DAB1: variants seen among roughly 807,000 people sequenced by gnomAD.
DAB1 encodes the protein disabled homolog 1.
A neutral mutation model predicts 64.6 loss-of-function variants in DAB1; 15 were observed. The observed-to-expected ratio is 0.23, with a 90% CI of 0.16 to 0.36. DAB1 has a LOEUF of 0.36. Among genes scored for constraint, DAB1 ranks in the 10% least tolerant of loss-of-function variants. DAB1 has a pLI of 1.00. For synonymous variants in DAB1, 235 were observed against 251.9 expected (o/e 0.93, Z 0.64); for missense variants, 596 against 706.7 (o/e 0.84, Z 1.78).
chr1:57,441,445 T>A (rs1176248286), intron 7 of DAB1, among the ~76,000 whole-genome samples: 1 of 151,782 alleles, frequency 6.6e-6, no homozygotes, highest in Non-Finnish European at 1.5e-5. Flanking sequence ...ACTCTCAACC[T>A]CCCAGGCTCA....
intron 6 of DAB1, among the ~76,000 whole-genome samples, chr1:57,706,065 T>C (rs1454874702): frequency 1.3e-5 from 2 of 152,068 alleles, no homozygotes; most frequent in Non-Finnish European, 2.9e-5. Flanking sequence ...TTTGAAATAG[T>C]TACAGATTCA....
chr1:58,048,275 G>A, intron 5 of DAB1: 2 of 1,283,956 alleles, frequency 1.6e-6, no homozygotes, highest in East Asian at 2.3e-5. Context: ...ACCGCCATAG[G>A]GGCCAGAGCT....
Position 57,182,034 on chromosome 1 carries a change from T to C in DAB1, c.68-36605A>G, listed in dbSNP as rs139969952. ...CCGAGTAGCTGGGACTACAGGTGCA[T>C]GCCACCACGCCCAGCTGATTTTTTG... is the stretch of plus-strand genomic sequence containing the variant. On this transcript the variant is annotated intron_variant, in intron 2 of 14. Transcript: ENST00000371236. Among the ~76,000 whole-genome samples, 52 of 152,216 alleles carry C rather than the reference T, an allele frequency of 3.4e-4. 1 individual carries two copies. In the East Asian group the frequency reaches 7.0e-3, roughly 20 times the overall value.
At chr1:58,149,733 T>C (rs573046556) in intron 5 of DAB1, among the ~76,000 whole-genome samples, 26 of 152,194 alleles carry the variant, frequency 1.7e-4, no homozygotes, top group African/African-American at 6.3e-4. Context: ...AACGGGGAGT[T>C]TTCACAAAGC....
intron 7 of DAB1, among the ~76,000 whole-genome samples, chr1:57,448,316 C>G (rs982662958): frequency 2.0e-5 from 3 of 152,122 alleles, no homozygotes; most frequent in Non-Finnish European, 4.4e-5. Context: ...ATGAAACATG[C>G]TTTGAAATTA....
intron 1 of DAB1, among the ~76,000 whole-genome samples, chr1:57,337,895 C>A (rs1677221499): frequency 7.3e-6 from 1 of 136,566 alleles, no homozygotes; most frequent in African/African-American, 2.7e-5. Context: ...CCCTTCCCTT[C>A]CCTTCCCTTC....
intron 5 of DAB1, among the ~76,000 whole-genome samples, chr1:57,961,353 T>C (rs1009555703): frequency 1.3e-5 from 2 of 152,120 alleles, no homozygotes; most frequent in Non-Finnish European, 2.9e-5. Context: ...TCTTAACCTC[T>C]AAACTTTTCA....
intron 4 of DAB1, among the ~76,000 whole-genome samples, chr1:58,178,418 C>T (rs1656604148): frequency 6.6e-6 from 1 of 152,110 alleles, no homozygotes; most frequent in Non-Finnish European, 1.5e-5. Flanking sequence ...CTGAACGTGA[C>T]CTTATTTGGA....
At chr1:57,320,950 T>C (rs1473286646) in intron 1 of DAB1, among the ~76,000 whole-genome samples, 1 of 152,234 alleles carries the variant, frequency 6.6e-6, no homozygotes, top group Non-Finnish European at 1.5e-5. Flanking sequence ...TTTTAACTTC[T>C]ACTTTTTGCT....
intron 2 of DAB1, among the ~76,000 whole-genome samples, chr1:57,173,737 A>G (rs72672676): frequency 0.16 from 24,987 of 152,140 alleles, 3,000 homozygotes; most frequent in African/African-American, 0.34. Flanking sequence ...ATAGCATTTC[A>G]CCTTTTAGAT....
Position 57,140,297 on chromosome 1 carries a change from C to T in DAB1, c.208-3656G>A, listed in dbSNP as rs554503977. Among the ~76,000 whole-genome samples the T allele has an allele frequency of 1.6e-4, 25 of 152,228 alleles. 1 individual carries two copies. The East Asian group carries it at 4.8e-3, about 29-fold the overall frequency. The stretch of plus-strand genomic sequence containing the variant: ...TCTCTTACCCATCGTATAATTTAGT[C>T]AATATCACAATCCTGGGAAGTAAGA... On this transcript the variant is annotated intron_variant, in intron 3 of 14. Coordinates refer to ENST00000371236, the MANE Select transcript of DAB1 (RefSeq NM_001365792.1).
chr1:57,777,979 C>T (rs1362156980), intron 6 of DAB1, among the ~76,000 whole-genome samples: 1 of 152,024 alleles, frequency 6.6e-6, no homozygotes, highest in African/African-American at 2.4e-5. Context: ...TTTGCTATGA[C>T]AGGTCTAGAA....
At chr1:58,364,559 C>T (rs989089353) in intron 3 of DAB1, among the ~76,000 whole-genome samples, 1 of 152,202 alleles carries the variant, frequency 6.6e-6, no homozygotes, top group African/African-American at 2.4e-5. Flanking sequence ...TCAGCCTCCA[C>T]ACCTACCCTT....
intron 6 of DAB1, among the ~76,000 whole-genome samples, chr1:57,747,784 G>A (rs1648348540): frequency 1.4e-5 from 2 of 141,164 alleles, no homozygotes; most frequent in African/African-American, 5.4e-5. Context: ...ACTCCAGCCT[G>A]GGCGACAGAG....
chr1:57,025,450 G>T (rs1184426955), intron 10 of DAB1, among the ~76,000 whole-genome samples: 1 of 152,080 alleles, frequency 6.6e-6, no homozygotes, highest in Non-Finnish European at 1.5e-5. Context: ...CTGGAAGGGA[G>T]GGAAGAAACA....
intron 4 of DAB1, among the ~76,000 whole-genome samples, chr1:58,239,330 C>T (rs972536559): frequency 2.0e-5 from 3 of 152,156 alleles, no homozygotes; most frequent in African/African-American, 7.2e-5. Context: ...ATAAGATGCA[C>T]GTTTTCATGT....
At chr1:57,954,737 C>A (rs780631010) in intron 5 of DAB1, among the ~76,000 whole-genome samples, 1 of 152,140 alleles carries the variant, frequency 6.6e-6, no homozygotes, top group African/African-American at 2.4e-5. Context: ...TCCAACTGAC[C>A]AGGTATGCAG....
intron 7 of DAB1, among the ~76,000 whole-genome samples, chr1:57,433,063 A>G: frequency 6.6e-6 from 1 of 152,196 alleles, no homozygotes; most frequent in Admixed American, 6.5e-5. Context: ...AAACAACTAA[A>G]GAAGATCCAA....
chr1:57,115,437 A>G (rs1656026169), intron 4 of DAB1, among the ~76,000 whole-genome samples: 1 of 152,218 alleles, frequency 6.6e-6, no homozygotes. Context: ...AGAACAGCCC[A>G]GTCTGAAAGC....
Sources: allele counts gnomAD v4.1 joint callset (sites outside exome capture counted in the v4.1 genomes callset), GRCh38; gene constraint gnomAD v4.1.1; transcripts MANE v1.5; gene names NCBI Gene and HGNC (gene_info 2026-07-23, HGNC 2026-07-21).